The following ST18 variants were observed in gnomAD, a reference collection of about 807,000 sequenced individuals.
The protein encoded by ST18 is suppression of tumorigenicity 18 protein.
A neutral mutation model predicts 110.0 loss-of-function variants in ST18; 50 were observed. The ratio of observed to expected loss-of-function variants is 0.45; its 90% CI spans 0.36 to 0.58. ST18 has a LOEUF of 0.58. Ranked by LOEUF, ST18 falls within the 20% of genes least tolerant of loss-of-function variation. ST18 has a pLI of 0.00. For synonymous variants in ST18, 461 were observed against 452.4 expected, an observed-to-expected ratio of 1.02 and a Z score of -0.24; for missense variants, 1,306 against 1,280.1, an observed-to-expected ratio of 1.02 and a Z score of -0.31.
At chr8:52,224,138 T>C (rs1210421188) in intron 3 of ST18, among the ~76,000 whole-genome samples, 1 of 152,234 alleles carries the variant, frequency 6.6e-6, no homozygotes, top group Non-Finnish European at 1.5e-5. Context: ...TTTTGAATGA[T>C]AAGAAAAGTT....
chr8:52,116,230 G>A (rs781132197), intron 25 of ST18, 45 bp downstream of exon 25: 27 of 1,594,094 alleles, frequency 1.7e-5, no homozygotes, highest in Middle Eastern at 3.4e-4. Context: ...TGATGACACT[G>A]CAAATGCTTG....
Position 52,150,035 on chromosome 8 carries a change from A to G in ST18, c.1807-58T>C, listed in dbSNP as rs900735936. The G allele has an allele frequency of 1.4e-5, 21 of 1,552,536 alleles. No homozygotes were observed. In the African/African-American group the frequency reaches 2.3e-4, roughly 17 times the overall value. On this transcript the variant is annotated intron_variant, in intron 15 of 25. Coordinates refer to ENST00000689386, the MANE Select transcript of ST18 (RefSeq NM_001352837.2). ...AGCAGTTTGCAGTTACAGCCTAGCC[A>G]TGTGGGGCTTTTAAGGGATCATTTT...
At chr8:52,253,922 A>T (rs773016935) in intron 2 of ST18, among the ~76,000 whole-genome samples, 1 of 152,122 alleles carries the variant, frequency 6.6e-6, no homozygotes, top group Non-Finnish European at 1.5e-5. Flanking sequence ...ATTCTTCTCA[A>T]AACAGATACA....
intron 2 of ST18, among the ~76,000 whole-genome samples, chr8:52,310,036 G>A (rs1318704512): frequency 6.6e-6 from 1 of 152,176 alleles, no homozygotes; most frequent in Non-Finnish European, 1.5e-5. Flanking sequence ...CAGAGGCCAT[G>A]TTTAGTCATT....
intron 8 of ST18, among the ~76,000 whole-genome samples, chr8:52,204,586 G>C (rs1011101078): frequency 4.6e-5 from 7 of 152,182 alleles, no homozygotes; most frequent in African/African-American, 1.7e-4. Context: ...GCTGTGAATT[G>C]CGTATCCACT....
intron 2 of ST18, among the ~76,000 whole-genome samples, chr8:52,275,548 T>C (rs1201171952): frequency 6.6e-6 from 1 of 152,186 alleles, no homozygotes; most frequent in African/African-American, 2.4e-5. Flanking sequence ...AGAAAGTAGA[T>C]GTGTATCTGG....
In ST18 at chr8:52,143,055, A is replaced by C. The variant is rs1361394548; in HGVS notation, c.2053-10T>G. ...AGCTCACTGGGTCTTTCTGGAAAAC[A>C]AACAAAAAACAAACAAAACACAGAA... On this transcript the variant is annotated splice_polypyrimidine_tract_variant and intron_variant, in intron 16 of 25. Coordinates refer to ENST00000689386, the MANE Select transcript of ST18 (RefSeq NM_001352837.2). The C allele has an allele frequency of 6.5e-7, 1 of 1,543,522 alleles. No homozygotes were observed. Among genetic ancestry groups the C allele is most frequent in the Non-Finnish European group, 8.9e-7 (1 of 1,117,656 alleles).
At position 52,152,501 on chromosome 8, in the gene ST18, C is replaced by A. The variant is rs563227010; in HGVS notation, c.1807-2524G>T. On this transcript the variant is annotated intron_variant, in intron 15 of 25. Transcript: ENST00000689386. ...GGGTAGGTATAGGATTACTACTATT[C>A]ATGTTCTTTCCGACTTAGAGGGGAC... Among the ~76,000 whole-genome samples the A allele has an allele frequency of 3.3e-5, 5 of 152,304 alleles. No homozygotes were observed. In the South Asian group the frequency reaches 1.0e-3, roughly 32 times the overall value.
At chr8:52,124,951 C>G (rs1261186374) in intron 23 of ST18, among the ~76,000 whole-genome samples, 2 of 152,174 alleles carry the variant, frequency 1.3e-5, no homozygotes, top group East Asian at 3.9e-4. Flanking sequence ...GGGAAAGTAG[C>G]AACAGTGAAA....
At chr8:52,283,873 G>C (rs1386257549) in intron 2 of ST18, among the ~76,000 whole-genome samples, 1 of 152,164 alleles carries the variant, frequency 6.6e-6, no homozygotes, top group African/African-American at 2.4e-5. Context: ...GAGGAAGCAC[G>C]GGAGGTTTAA....
intron 2 of ST18, among the ~76,000 whole-genome samples, chr8:52,279,180 A>G (rs1368796547): frequency 6.6e-6 from 1 of 152,222 alleles, no homozygotes; most frequent in Non-Finnish European, 1.5e-5. Context: ...CAATGAACAT[A>G]TCTAATCTAT....
intron 23 of ST18, among the ~76,000 whole-genome samples, chr8:52,123,376 G>A (rs1200511072): frequency 6.6e-6 from 1 of 152,146 alleles, no homozygotes; most frequent in Non-Finnish European, 1.5e-5. Context: ...AGGTGTGTTG[G>A]TTTACATCTA....
chr8:52,116,231 C>A (rs1324050069), intron 25 of ST18, 44 bp downstream of exon 25: 2 of 1,594,858 alleles, frequency 1.3e-6, no homozygotes, highest in Non-Finnish European at 1.7e-6. Flanking sequence ...GATGACACTG[C>A]AAATGCTTGT....
chr8:52,398,418 T>A (rs1354448306), intron 2 of ST18, among the ~76,000 whole-genome samples: 2 of 152,192 alleles, frequency 1.3e-5, no homozygotes, highest in African/African-American at 4.8e-5. Context: ...TCTTTTCTTA[T>A]CTGACTGCTT....
At chr8:52,397,294 T>C (rs187799087) in intron 2 of ST18, among the ~76,000 whole-genome samples, 2 of 152,330 alleles carry the variant, frequency 1.3e-5, no homozygotes, top group East Asian at 3.9e-4. Flanking sequence ...AAATGTCTGT[T>C]CAGGTCCTTC....
chr8:52,250,348 A>T (rs1372813133), intron 2 of ST18, among the ~76,000 whole-genome samples: 1 of 142,160 alleles, frequency 7.0e-6, no homozygotes, highest in Admixed American at 7.7e-5. Context: ...TTTATTCCTT[A>T]TCTCTGTTTA....
intron 2 of ST18, among the ~76,000 whole-genome samples, chr8:52,273,395 G>T (rs1458804630): frequency 6.6e-6 from 1 of 152,174 alleles, no homozygotes; most frequent in African/African-American, 2.4e-5. Flanking sequence ...ATTCATAGGA[G>T]ATCTTAATAA....
intron 2 of ST18, among the ~76,000 whole-genome samples, chr8:52,380,973 T>A (rs1395718755): frequency 6.6e-6 from 1 of 152,136 alleles, no homozygotes; most frequent in Admixed American, 6.6e-5. Context: ...TCAACAATCA[T>A]CTCTCCTTCT....
At position 52,263,282 on chromosome 8, in the gene ST18, C is replaced by G. The variant is rs77864768; in HGVS notation, c.-464-33205G>C. Among the ~76,000 whole-genome samples the G allele has an allele frequency of 5.7e-3, 875 of 152,274 alleles. 5 individuals carry two copies. Among genetic ancestry groups the G allele is most frequent in the African/African-American group, 0.02 (830 of 41,540 alleles). ...CTCCCAGGTAGATATACAGATAGCT[C>G]AAGATACTTCACGCTTTGCAGAGAA... On this transcript the variant is annotated intron_variant, in intron 2 of 25. Transcript: ENST00000689386.
Sources: gnomAD v4.1 joint callset for allele counts (sites outside exome capture counted in the v4.1 genomes callset) on GRCh38, gnomAD v4.1.1 for gene constraint, MANE v1.5 for transcripts, NCBI Gene and HGNC (gene_info 2026-07-23, HGNC 2026-07-21) for gene names.